ROBO1: variants seen among roughly 807,000 people sequenced by gnomAD.
ROBO1 encodes roundabout homolog 1.
A neutral mutation model predicts 195.9 loss-of-function variants in ROBO1; 149 were observed. That is an observed-to-expected ratio of 0.76 (90% CI 0.67 to 0.87). The LOEUF (loss-of-function observed/expected upper bound fraction) is 0.87, where lower values mean the gene tolerates loss of function less well. ROBO1 is among the 40% of genes least tolerant of loss of function. The probability of loss-of-function intolerance (pLI) is 0.00; values close to 1 mark genes in which losing one functional copy is unlikely to be tolerated. For missense variants in ROBO1, 1,933 were observed against 2,068.3 expected (o/e 0.93, Z 1.27); for synonymous variants, 816 against 733.2 (o/e 1.11, Z -1.82).
At chr3:79,009,112 T>G (rs1055366753) in intron 3 of ROBO1, among the ~76,000 whole-genome samples, 1 of 144,976 alleles carries the variant, frequency 6.9e-6, no homozygotes, top group Non-Finnish European at 1.5e-5. Context: ...AGCTAATTTT[T>G]TTTTTTTTTT....
intron 5 of ROBO1, among the ~76,000 whole-genome samples, chr3:78,730,004 G>A (rs2082251666): frequency 1.3e-5 from 2 of 152,140 alleles, no homozygotes; most frequent in South Asian, 2.1e-4. Context: ...CAACCATCTG[G>A]CTCTAATTCT....
chr3:79,465,921 T>C (rs1937932158), intron 2 of ROBO1, among the ~76,000 whole-genome samples: 1 of 152,064 alleles, frequency 6.6e-6, no homozygotes, highest in Non-Finnish European at 1.5e-5. Context: ...ACTACAACAA[T>C]GATCTTTAGA....
At chr3:79,751,174 G>T (rs1704114491) in intron 1 of ROBO1, among the ~76,000 whole-genome samples, 1 of 152,028 alleles carries the variant, frequency 6.6e-6, no homozygotes, top group African/African-American at 2.4e-5. Context: ...ATTTGTTTTG[G>T]AGATTCTTTC....
intron 3 of ROBO1, among the ~76,000 whole-genome samples, chr3:79,044,744 T>G (rs2078556966): frequency 6.6e-6 from 1 of 152,124 alleles, no homozygotes; most frequent in Admixed American, 6.6e-5. Flanking sequence ...AAAGTTTGAC[T>G]AAATAGGCAT....
At chr3:79,358,951 G>T (rs904658561) in intron 2 of ROBO1, among the ~76,000 whole-genome samples, 3 of 151,896 alleles carry the variant, frequency 2.0e-5, no homozygotes, top group African/African-American at 7.2e-5. Flanking sequence ...ACATATCATG[G>T]TTTAACACCA....
At chr3:78,958,981 T>G (rs1399664860) in intron 3 of ROBO1, among the ~76,000 whole-genome samples, 1 of 151,932 alleles carries the variant, frequency 6.6e-6, no homozygotes, top group East Asian at 1.9e-4. Flanking sequence ...CTAATTTTGT[T>G]TATTTTTAGT....
intron 2 of ROBO1, among the ~76,000 whole-genome samples, chr3:79,559,822 C>G (rs924027320): frequency 6.6e-6 from 1 of 152,028 alleles, no homozygotes; most frequent in African/African-American, 2.4e-5. Context: ...GAGGCTGAGG[C>G]AGGAGAATTG....
intron 2 of ROBO1, among the ~76,000 whole-genome samples, chr3:79,580,516 TAAATA>T (rs1370815279): frequency 1.3e-5 from 2 of 151,644 alleles, no homozygotes; most frequent in Non-Finnish European, 2.9e-5. Context: ...AACAAATAAA[TAAATA>T]AAATAAATAA....
rs551202033 is a variant in ROBO1, at chr3:79,338,793, G to A, written c.89-213254C>T. ...ATTATTGTGAATTTAAATACTATGC[G>A]TATTGATGGTTCTCAAATGTATATC... On this transcript the variant is annotated intron_variant, in intron 2 of 30. Coordinates refer to ENST00000464233, the MANE Select transcript of ROBO1 (RefSeq NM_002941.4). 2.8e-4 allele frequency among the ~76,000 whole-genome samples: 42 copies of A among 152,052 alleles called. No homozygotes were observed. In the South Asian group the frequency reaches 5.0e-3, roughly 18 times the overall value.
At chr3:79,083,487 C>A (rs1251683255) in intron 3 of ROBO1, among the ~76,000 whole-genome samples, 1 of 152,066 alleles carries the variant, frequency 6.6e-6, no homozygotes, top group African/African-American at 2.4e-5. Context: ...TTGGGAATTG[C>A]AAATAAACTG....
chr3:79,125,679 C>T, intron 2 of ROBO1, 140 bp from the exon 3 acceptor site: 1 of 663,830 alleles, frequency 1.5e-6, no homozygotes, highest in South Asian at 1.8e-5. Context: ...ACGCTTCATC[C>T]TTGCCCCTCC....
chr3:79,659,422 C>T (rs920228474), intron 1 of ROBO1, among the ~76,000 whole-genome samples: 2 of 151,914 alleles, frequency 1.3e-5, no homozygotes, highest in Non-Finnish European at 2.9e-5. Context: ...AGTTTAGAGT[C>T]TACTTGTGTA....
Position 78,717,263 on chromosome 3 carries a change from T to C in ROBO1, c.917+12A>G, listed in dbSNP as rs755615263. ...GAGTTGACAAATCATATCATGAAAC[T>C]CTGATGTGTACCTGGATTTGGGCAG... On this transcript the variant is annotated intron_variant, in intron 7 of 30. Coordinates refer to ENST00000464233, the MANE Select transcript of ROBO1 (RefSeq NM_002941.4). The C allele has an allele frequency of 6.5e-7, 1 of 1,547,238 alleles. No homozygotes were observed. Among genetic ancestry groups the C allele is most frequent in the Non-Finnish European group, 8.7e-7 (1 of 1,152,300 alleles).
chr3:79,457,396 CGTGTGT>C (rs139242982), intron 2 of ROBO1, among the ~76,000 whole-genome samples: 1 of 148,996 alleles, frequency 6.7e-6, no homozygotes, highest in South Asian at 2.1e-4. Flanking sequence ...TGTGTGTGTG[CGTGTGT>C]GTGTGTGTGT....
intron 3 of ROBO1, among the ~76,000 whole-genome samples, chr3:79,074,366 G>A (rs974684821): frequency 2.0e-5 from 3 of 151,886 alleles, no homozygotes; most frequent in Non-Finnish European, 2.9e-5. Flanking sequence ...TCTTTTGAAT[G>A]AAGCGAGGTT....
At chr3:79,040,683 C>T (rs1417869180) in intron 3 of ROBO1, among the ~76,000 whole-genome samples, 2 of 151,744 alleles carry the variant, frequency 1.3e-5, no homozygotes, top group African/African-American at 2.4e-5. Flanking sequence ...TACTCTATAC[C>T]CCTTGTTGTA....
intron 4 of ROBO1, among the ~76,000 whole-genome samples, chr3:78,835,086 A>G (rs937272413): frequency 6.6e-6 from 1 of 152,180 alleles, no homozygotes; most frequent in East Asian, 1.9e-4. Flanking sequence ...ATCAATGTCC[A>G]TTCTATATTA....
At chr3:79,601,151 G>A (rs1009898011) in intron 1 of ROBO1, among the ~76,000 whole-genome samples, 3 of 151,986 alleles carry the variant, frequency 2.0e-5, no homozygotes, top group Non-Finnish European at 4.4e-5. Context: ...CGAAAGAACA[G>A]TAGTTGTTGA....
At chr3:79,743,520 CA>C (rs1703738887) in intron 1 of ROBO1, among the ~76,000 whole-genome samples, 1 of 152,096 alleles carries the variant, frequency 6.6e-6, no homozygotes, top group Non-Finnish European at 1.5e-5. Flanking sequence ...GAACACTGTA[CA>C]CTTAGACTAC....
Sources: allele counts gnomAD v4.1 joint callset (sites outside exome capture counted in the v4.1 genomes callset), GRCh38; gene constraint gnomAD v4.1.1; transcripts MANE v1.5; gene names NCBI Gene and HGNC (gene_info 2026-07-23, HGNC 2026-07-21).